The following GNAQ variants were observed in gnomAD, a reference collection of about 807,000 sequenced individuals.
The protein encoded by GNAQ is guanine nucleotide-binding protein G(q) subunit alpha.
GNAQ carries 8 observed loss-of-function variants against 43.9 expected under a neutral mutation model. The observed-to-expected ratio is 0.18, with a 90% CI of 0.11 to 0.33. The LOEUF is 0.33. Among genes scored for constraint, GNAQ ranks in the 10% least tolerant of loss-of-function variants. The probability of loss-of-function intolerance (pLI) is 1.00; values close to 1 mark genes in which losing one functional copy is unlikely to be tolerated. For synonymous variants in GNAQ, 155 were observed against 170.7 expected, an observed-to-expected ratio of 0.91 and a Z score of 0.71; for missense variants, 158 against 450.8, an observed-to-expected ratio of 0.35 and a Z score of 5.88.
intron 6 of GNAQ, 111 bp from the exon 7 acceptor site, chr9:77,721,624 T>G: frequency 1.4e-6 from 1 of 702,312 alleles, no homozygotes; most frequent in East Asian, 2.5e-5. Flanking sequence ...ACATCTGCAC[T>G]GCAGATTTGA....
At chr9:77,724,900 A>G (rs2118203375) in intron 6 of GNAQ, among the ~76,000 whole-genome samples, 1 of 152,092 alleles carries the variant, frequency 6.6e-6, no homozygotes, top group African/African-American at 2.4e-5. Flanking sequence ...TTAATGTTCC[A>G]TCTTTTTCAA....
At chr9:77,888,536 CATT>C (rs2118097406) in intron 2 of GNAQ, among the ~76,000 whole-genome samples, 1 of 152,276 alleles carries the variant, frequency 6.6e-6, no homozygotes, top group East Asian at 1.9e-4. Flanking sequence ...AATGTCTACT[CATT>C]GTCGCAATCC....
At chr9:77,844,133 A>C (rs983573351) in intron 2 of GNAQ, among the ~76,000 whole-genome samples, 6 of 152,208 alleles carry the variant, frequency 3.9e-5, no homozygotes, top group African/African-American at 1.4e-4. Context: ...CAGAACACTA[A>C]TCTCAAGTTA....
intron 2 of GNAQ, among the ~76,000 whole-genome samples, chr9:77,837,321 G>C (rs1316963105): frequency 6.6e-6 from 1 of 152,086 alleles, no homozygotes; most frequent in Non-Finnish European, 1.5e-5. Flanking sequence ...GGAGGCCGAG[G>C]CAGGCGGATC....
intron 2 of GNAQ, among the ~76,000 whole-genome samples, chr9:77,818,529 T>C (rs1343542538): frequency 2.0e-5 from 3 of 152,076 alleles, no homozygotes; most frequent in Admixed American, 2.0e-4. Flanking sequence ...ATACTTTTTT[T>C]CTATTTGTCC....
chr9:77,891,411 C>T (rs922817383), intron 2 of GNAQ, among the ~76,000 whole-genome samples: 3 of 152,064 alleles, frequency 2.0e-5, no homozygotes, highest in Admixed American at 6.6e-5. Context: ...AGTAGGAGAT[C>T]GGGAAATGGT....
At chr9:77,844,845 T>C (rs1827555971) in intron 2 of GNAQ, among the ~76,000 whole-genome samples, 1 of 105,340 alleles carries the variant, frequency 9.5e-6, no homozygotes, top group Admixed American at 1.1e-4. Context: ...GCTAATTTTT[T>C]GTATTTTTAG....
At chr9:77,922,060 C>T (rs1164701007) in intron 2 of GNAQ, 101 bp downstream of exon 2, 2 of 666,514 alleles carry the variant, frequency 3.0e-6, no homozygotes, top group Non-Finnish European at 5.2e-6. Flanking sequence ...TTCCAAACCC[C>T]CCTATGCACT....
intron 1 of GNAQ, among the ~76,000 whole-genome samples, chr9:78,021,798 A>G (rs564540177): frequency 1.3e-5 from 2 of 152,360 alleles, no homozygotes; most frequent in African/African-American, 4.8e-5. Flanking sequence ...TTAAAGCCCA[A>G]TGAAGAAAAA....
rs58496646 is a variant in GNAQ, at chr9:77,889,410, CAAAAAAAAAAAAAAAAAA to C, written c.321+32733_321+32750del. On this transcript the variant is annotated intron_variant, in intron 2 of 6. Coordinates refer to ENST00000286548, the MANE Select transcript of GNAQ (RefSeq NM_002072.5). ...TGGGCGACAAAGCCAGACCCTGTCT[CAAAAAAAAAAAAAAAAAA>C]AAAAAAAAAAAAAAAAAAAATCCTT... Among the ~76,000 whole-genome samples, 146 of 48,068 alleles carry C rather than the reference CAAAAAAAAAAAAAAAAAA, an allele frequency of 3.0e-3. 1 individual carries two copies. The highest frequency in any genetic ancestry group is 9.1e-3 in the African/African-American group (104 of 11,424). 31.5% of individuals were successfully genotyped at this position (48,068 alleles called of 152,430 possible). A position where few individuals can be genotyped will look rare whatever the true frequency, so the allele number is the denominator to read the frequency against.
chr9:77,821,861 G>A (rs1428118178), intron 2 of GNAQ, among the ~76,000 whole-genome samples: 1 of 151,854 alleles, frequency 6.6e-6, no homozygotes, highest in Non-Finnish European at 1.5e-5. Flanking sequence ...AGAGATTAAA[G>A]ATATGCATAT....
At chr9:77,958,987 TAAAG>T (rs1047719017) in intron 1 of GNAQ, among the ~76,000 whole-genome samples, 15 of 152,144 alleles carry the variant, frequency 9.9e-5, no homozygotes, top group African/African-American at 2.9e-4. Context: ...GAAAAGGAGA[TAAAG>T]AAAGAAATGA....
chr9:77,992,864 G>A (rs933449705), intron 1 of GNAQ, among the ~76,000 whole-genome samples: 5 of 152,080 alleles, frequency 3.3e-5, no homozygotes, highest in African/African-American at 4.8e-5. Context: ...AGAATTGCTC[G>A]AACCCGGGAG....
chr9:77,847,015 C>T (rs970712950), intron 2 of GNAQ, among the ~76,000 whole-genome samples: 6 of 152,140 alleles, frequency 3.9e-5, no homozygotes, highest in East Asian at 1.9e-4. Flanking sequence ...TGGAATACTT[C>T]GAACTTCCTG....
chr9:77,906,058 T>G (rs1448356468), intron 2 of GNAQ, among the ~76,000 whole-genome samples: 1 of 152,032 alleles, frequency 6.6e-6, no homozygotes, highest in Non-Finnish European at 1.5e-5. Flanking sequence ...GTAACAAACC[T>G]GCACATTCTG....
rs561515310 is a variant in GNAQ at position 77,913,735 on chromosome 9, T to C, written c.321+8426A>G. ...TTACCAGAAGTCAGGATAGTGGTCA[T>C]CCTTCGGAACTTGGGAGTATTGACT... On this transcript the variant is annotated intron_variant, in intron 2 of 6. Coordinates refer to ENST00000286548, the MANE Select transcript of GNAQ (RefSeq NM_002072.5). Among the ~76,000 whole-genome samples, 25 of 152,286 alleles carry C rather than the reference T, an allele frequency of 1.6e-4. No individual in the cohort carries two copies. The South Asian group carries it at 5.2e-3, about 32-fold the overall frequency.
intron 4 of GNAQ, among the ~76,000 whole-genome samples, chr9:77,797,253 A>C (rs895850529): frequency 1.4e-4 from 21 of 152,102 alleles, no homozygotes; most frequent in African/African-American, 5.1e-4. Context: ...GGCTGTTCTC[A>C]AACTCCTGAC....
intron 2 of GNAQ, among the ~76,000 whole-genome samples, chr9:77,866,879 ATAGT>A (rs1451478960): frequency 9.2e-5 from 14 of 152,322 alleles, no homozygotes; most frequent in East Asian, 1.9e-4. Flanking sequence ...ATTATTTTCT[ATAGT>A]TAGTTAATGT....
intron 5 of GNAQ, among the ~76,000 whole-genome samples, chr9:77,742,387 C>T: frequency 6.6e-6 from 1 of 152,096 alleles, no homozygotes; most frequent in East Asian, 1.9e-4. Context: ...TAATTACACC[C>T]ATGAAAAACT....
Sources: allele counts gnomAD v4.1 joint callset (sites outside exome capture counted in the v4.1 genomes callset), GRCh38; gene constraint gnomAD v4.1.1; transcripts MANE v1.5; gene names NCBI Gene and HGNC (gene_info 2026-07-23, HGNC 2026-07-21).